Variants in DMAP1 observed in about 807,000 individuals in gnomAD.
DMAP1 encodes the protein DNA methyltransferase 1-associated protein 1.
DMAP1 carries 26 observed loss-of-function variants against 52.7 expected under a neutral mutation model. The ratio of observed to expected loss-of-function variants is 0.49; its 90% CI spans 0.36 to 0.68. The LOEUF (loss-of-function observed/expected upper bound fraction) is 0.68, where lower values mean the gene tolerates loss of function less well. Among genes scored for constraint, DMAP1 ranks in the 30% least tolerant of loss-of-function variants. The pLI, the probability that DMAP1 is intolerant of heterozygous loss-of-function variation, is 0.00. For missense variants in DMAP1, 439 were observed against 625.2 expected (o/e 0.70, Z 3.18); for synonymous variants, 231 against 246.0 (o/e 0.94, Z 0.57).
chr1:44,218,759 A>G lies in DMAP1; in HGVS notation c.720+4A>G, dbSNP rs1348195884. ...CTACAACCGGACCCCAGAGCAGGTA[A>G]GCCCAAGGCCACATACCTGTCCTCC... is the stretch of plus-strand genomic sequence containing the variant. On this transcript the variant is annotated splice_donor_region_variant and intron_variant, in intron 5 of 9. Coordinates refer to ENST00000372289, the MANE Select transcript of DMAP1 (RefSeq NM_019100.5). The surrounding 1 kb of genome is among the most constrained non-coding windows in gnomAD (Gnocchi z 5.6). The G allele has an allele frequency of 1.9e-6, 3 of 1,599,288 alleles. No homozygotes were observed. Among genetic ancestry groups the G allele is most frequent in the Middle Eastern group, 1.7e-4 (1 of 5,990 alleles).
rs748658570 is a variant in DMAP1 at position 44,218,543 on chromosome 1, AC to A, written c.553-44del. 16 of 1,608,346 alleles carry A rather than the reference AC, an allele frequency of 9.9e-6. No homozygotes were observed. The South Asian group carries it at 1.8e-4, about 18-fold the overall frequency. On this transcript the variant is annotated intron_variant, in intron 4 of 9. Coordinates refer to ENST00000372289, the MANE Select transcript of DMAP1 (RefSeq NM_019100.5). This position sits in a 1 kb window ranked among gnomAD's most constrained non-coding sequence, Gnocchi z 5.6. The stretch of plus-strand genomic sequence containing the variant: ...GCCCTACTTTTATGCCATCTCTTCC[AC>A]ATGCCCCTGAATGTTCATTCCTCTA...
chr1:44,214,228 AGT>A, intron 1 of DMAP1, 120 bp from the exon 2 acceptor site: 1 of 919,296 alleles, frequency 1.1e-6, no homozygotes, highest in East Asian at 2.4e-5. Flanking sequence ...GTGCCTTTAC[AGT>A]GTGTCAGTTT....
intron 7 of DMAP1, 94 bp from the exon 8 acceptor site, chr1:44,219,712 T>C: frequency 1.4e-6 from 2 of 1,465,326 alleles, no homozygotes; most frequent in Non-Finnish European, 1.9e-6. Context: ...TGTGTTACCG[T>C]CTCTCTTCCA....
rs151272574 is a variant in DMAP1 at position 44,214,747 on chromosome 1, G to A, written c.242G>A (p.Arg81His). The change falls in exon 3 of 10, where the codon CGT becomes CAT. Residue 81 changes from arginine to histidine, a missense_variant. Coordinates refer to ENST00000372289, the MANE Select transcript of DMAP1 (RefSeq NM_019100.5). ...LLPSDTGQGY[R>H]TVKAKLGSKK... ...CCCAGTGACACTGGCCAGGGATACC[G>A]TACAGTGAAGGCCAAGTTGGGCTCC... 50 of 1,613,978 alleles carry A rather than the reference G, an allele frequency of 3.1e-5. No homozygotes were observed. Among genetic ancestry groups the A allele is most frequent in the African/African-American group, 8.0e-5 (6 of 75,032 alleles).
At position 44,219,490 on chromosome 1, in the gene DMAP1, C is replaced by A; in HGVS notation, c.978+13C>A. The A allele has an allele frequency of 1.3e-6, 2 of 1,560,466 alleles. No individual in the cohort carries two copies. The highest frequency in any genetic ancestry group is 1.7e-6 in the Non-Finnish European group (2 of 1,159,006). ...GCGGAGCCAACGGGTACGTGAGTCACCTCCTTTAGCAAGTTTGGGTCCTGG... is the reference window on the plus strand; with the variant it reads ...GCGGAGCCAACGGGTACGTGAGTCAACTCCTTTAGCAAGTTTGGGTCCTGG... On this transcript the variant is annotated intron_variant, in intron 7 of 9. Coordinates refer to ENST00000372289, the MANE Select transcript of DMAP1 (RefSeq NM_019100.5).
At position 44,214,740 on chromosome 1, in the gene DMAP1, G is replaced by GTAT; in HGVS notation, c.235_236insTAT (p.Gly79delinsValTer). ...ACTGCTACCCAGTGACACTGGCCAG[G>GTAT]GATACCGTACAGTGAAGGCCAAGTT... On this transcript the variant is annotated stop_gained and protein_altering_variant, in exon 3 of 10. Transcript: ENST00000372289. LOFTEE classifies it high-confidence loss of function. 1 of 1,613,422 alleles carries GTAT rather than the reference G, an allele frequency of 6.2e-7. No homozygotes were observed. Among genetic ancestry groups the GTAT allele is most frequent in the Non-Finnish European group, 8.5e-7 (1 of 1,179,466 alleles).
chr1:44,218,847 C>A lies in DMAP1; in HGVS notation c.720+92C>A. The A allele has an allele frequency of 6.6e-7, 1 of 1,506,440 alleles. No homozygotes were observed. The highest frequency in any genetic ancestry group is 9.0e-7 in the Non-Finnish European group (1 of 1,115,362). 93.3% of individuals were successfully genotyped at this position (1,506,440 alleles called of 1,614,324 possible). ...TCCCCTCAACTCCCACTCCCAGGTC[C>A]CCCTGCCTCCCACTGATACCTTATT... On this transcript the variant is annotated intron_variant, in intron 5 of 9. Transcript: ENST00000372289. This position sits in a 1 kb window ranked among gnomAD's most constrained non-coding sequence, Gnocchi z 5.6.
intron 3 of DMAP1, chr1:44,216,053 T>C (rs1643786281): frequency 6.6e-6 from 1 of 152,212 alleles, no homozygotes. Flanking sequence ...AAAATTGTTT[T>C]TTCAGCTGCA....
In DMAP1 at chr1:44,214,816, C is replaced by A. The variant is rs1643755094; in HGVS notation, c.311C>A (p.Ala104Asp). Residue 104 changes from alanine to aspartate, a missense_variant, in exon 3 of 10, where the codon GCC becomes GAC. Transcript: ENST00000372289. The part of the protein sequence containing the change: ...PWKWMPFTNP[A>D]RKDGAMFFHW... ...AAGTGGATGCCATTCACCAACCCGG[C>A]CCGCAAGGACGGAGCAATGTTCTTC... The A allele has an allele frequency of 6.2e-7, 1 of 1,614,080 alleles. No homozygotes were observed. Among genetic ancestry groups the A allele is most frequent in the African/African-American group, 1.3e-5 (1 of 74,918 alleles).
Position 44,213,577 on chromosome 1 carries a change from C to T in DMAP1, c.-177C>T. 1.8e-6 allele frequency: 1 copy of T among 560,996 alleles called. No individual in the cohort carries two copies. Among genetic ancestry groups the T allele is most frequent in the East Asian group, 3.2e-5 (1 of 31,632 alleles). The allele number at this position is 560,996 out of a possible 1,614,324, so 34.8% of individuals were successfully genotyped here. A position where few individuals can be genotyped will look rare whatever the true frequency, so the allele number is the denominator to read the frequency against. ...GGCTGAAGGGGCCGTTAGGAACATC[C>T]AAGCGGTGGGGCACAGGCAGATCCC... On this transcript the variant is annotated 5_prime_UTR_variant, in exon 1 of 10. Transcript: ENST00000372289. This position sits in a 1 kb window ranked among gnomAD's most constrained non-coding sequence, Gnocchi z 4.5.
At chr1:44,215,438 C>T (rs1363505629) in intron 3 of DMAP1, 12 of 431,358 alleles carry the variant, frequency 2.8e-5, no homozygotes, top group Admixed American at 1.5e-4. Context: ...GGGGGATCGT[C>T]CTTGACTTAG....
At chr1:44,215,060 T>G (rs1157831338) in intron 3 of DMAP1, 162 bp downstream of exon 3, 1 of 816,984 alleles carries the variant, frequency 1.2e-6, no homozygotes. Context: ...TAGGACTCTG[T>G]GGGTCTTTTC....
chr1:44,219,656 T>C, intron 7 of DMAP1, 150 bp from the exon 8 acceptor site: 2 of 1,195,744 alleles, frequency 1.7e-6, no homozygotes, highest in South Asian at 2.8e-5. Context: ...TTTCACTATA[T>C]TCAGCTTCCT....
chr1:44,218,081 G>A lies in DMAP1; in HGVS notation c.394-230G>A. On this transcript the variant is annotated intron_variant, in intron 3 of 9. Transcript: ENST00000372289. This position sits in a 1 kb window ranked among gnomAD's most constrained non-coding sequence, Gnocchi z 5.6. ...GTGTGTGTCCCATGACTGAGGCTCTGGAGCTGGAGACAGTGAAGTTGATCC... is the reference window on the plus strand; with the variant it reads ...GTGTGTGTCCCATGACTGAGGCTCTAGAGCTGGAGACAGTGAAGTTGATCC... 1.6e-6 allele frequency: 1 copy of A among 621,822 alleles called. No individual in the cohort carries two copies. Among genetic ancestry groups the A allele is most frequent in the South Asian group, 1.8e-5 (1 of 56,498 alleles). The allele number at this position is 621,822 out of a possible 1,614,324, so 38.5% of individuals were successfully genotyped here.
chr1:44,219,727 C>A, intron 7 of DMAP1, 79 bp from the exon 8 acceptor site: 1 of 1,542,580 alleles, frequency 6.5e-7, no homozygotes, highest in Non-Finnish European at 8.9e-7. Context: ...CTTCCACCAT[C>A]TTTCCCTCTG....
At chr1:44,217,356 T>A (rs1643815533) in intron 3 of DMAP1, 1 of 152,284 alleles carries the variant, frequency 6.6e-6, no homozygotes, top group Admixed American at 6.5e-5. Flanking sequence ...GTAGCGAGGC[T>A]ATTTCTCTGA....
rs189226255 is a variant in DMAP1, at chr1:44,213,857, A to G, written c.104A>G (p.Lys35Arg). Reference protein sequence around the residue: ...ISKKDIINPDKKKSKKSSETL... With the variant: ...ISKKDIINPDRKKSKKSSETL... ...AAGAAGGACATTATCAACCCGGACA[A>G]GGTAGCAGGGGCACCTGAAAGCGTT... The change falls in exon 1 of 10, where the codon AAG (lysine) becomes AGG (arginine). Residue 35 changes from lysine (K) to arginine (R), a missense_variant and splice_region_variant. By Grantham distance (26) the Lys-to-Arg change is conservative (BLOSUM62 2). This residue lies in a region of DMAP1 where 118 missense variants were observed against 189.8 expected (regional missense o/e 0.62). Coordinates refer to ENST00000372289, the MANE Select transcript of DMAP1 (RefSeq NM_019100.5). This position sits in a 1 kb window ranked among gnomAD's most constrained non-coding sequence, Gnocchi z 4.5. The G allele has an allele frequency of 3.2e-6, 5 of 1,580,068 alleles. No homozygotes were observed.
chr1:44,213,663 G>A lies in DMAP1; in HGVS notation c.-91G>A, dbSNP rs145692550. Reference sequence around the variant, plus strand: ...GCCCCTTCAACTCGCCTCCGCTTAGGTCTGGATTGGCCCCGCCCCCTGACC... The same window carrying A: ...GCCCCTTCAACTCGCCTCCGCTTAGATCTGGATTGGCCCCGCCCCCTGACC... On this transcript the variant is annotated 5_prime_UTR_variant, in exon 1 of 10. Coordinates refer to ENST00000372289, the MANE Select transcript of DMAP1 (RefSeq NM_019100.5). This position sits in a 1 kb window ranked among gnomAD's most constrained non-coding sequence, Gnocchi z 4.5. The A allele has an allele frequency of 0.015, 17,932 of 1,223,596 alleles. 194 individuals are homozygous for A. The highest frequency in any genetic ancestry group is 0.031 in the South Asian group (2,222 of 72,820). 75.8% of individuals were successfully genotyped at this position (1,223,596 alleles called of 1,614,324 possible).
At chr1:44,215,285 C>T (rs544280424) in intron 3 of DMAP1, 63 of 460,860 alleles carry the variant, frequency 1.4e-4, no homozygotes, top group Admixed American at 2.6e-4. Flanking sequence ...TTACTAATAT[C>T]TCTTTCTCAA....
Sources: allele counts gnomAD v4.1 joint callset, GRCh38; gene constraint gnomAD v4.1.1; regional missense constraint gnomAD v4.1.1; non-coding constraint Gnocchi (gnomAD v3.1); transcripts MANE v1.5; gene names NCBI Gene and HGNC (gene_info 2026-07-23, HGNC 2026-07-21).